Variants in PALMD observed in about 807,000 individuals in gnomAD.
PALMD encodes palmdelphin, also known as paralemmin-like protein.
A neutral mutation model predicts 56.2 loss-of-function variants in PALMD; 42 were observed. That is an observed-to-expected ratio of 0.75 (90% CI 0.58 to 0.97). The LOEUF (loss-of-function observed/expected upper bound fraction) is 0.97, where lower values mean the gene tolerates loss of function less well. Among genes scored for constraint, PALMD ranks in the 50% least tolerant of loss-of-function variants. The pLI is 0.00. For synonymous variants in PALMD, 242 were observed against 222.9 expected, an observed-to-expected ratio of 1.09 and a Z score of -0.76; for missense variants, 660 against 643.8, an observed-to-expected ratio of 1.03 and a Z score of -0.27.
rs377596628 is a variant in PALMD at position 99,686,966 on chromosome 1, A to G, written c.400+3A>G. 1.4e-4 allele frequency: 214 copies of G among 1,572,678 alleles called. No individual in the cohort carries two copies. The highest frequency in any genetic ancestry group is 1.8e-4 in the Non-Finnish European group (202 of 1,147,274). ...GGAAAGAGAAGAAAGAGCAGAAGGT[A>G]TGTTTTTGAATAACTTATTTTATGT... On this transcript the variant is annotated splice_donor_region_variant and intron_variant, in intron 5 of 7. Transcript: ENST00000263174.
intron 1 of PALMD, among the ~76,000 whole-genome samples, chr1:99,656,350 AAC>A (rs986147758): frequency 6.6e-6 from 1 of 151,298 alleles, no homozygotes; most frequent in Non-Finnish European, 1.5e-5. Flanking sequence ...CTTTCCTAAG[AAC>A]ACTGTTAGCA....
Position 99,689,335 on chromosome 1 carries a change from G to A in PALMD, c.1075G>A (p.Asp359Asn), listed in dbSNP as rs1486525894. 3 of 1,613,578 alleles carry A rather than the reference G, an allele frequency of 1.9e-6. No individual in the cohort carries two copies. The highest frequency in any genetic ancestry group is 2.2e-5 in the South Asian group (2 of 91,068). Residue 359 changes from aspartate to asparagine, a missense_variant, in exon 7 of 8, where the codon GAC becomes AAC. Coordinates refer to ENST00000263174, the MANE Select transcript of PALMD (RefSeq NM_017734.5). ...TTGGGAAGAATCGAATGTCATGCAG[G>A]ACAAAGATGCACCCTCTCCAAAGCC... ...TPWEESNVMQ[D>N]KDAPSPKPRL...
intron 3 of PALMD, chr1:99,684,284 G>T (rs189971743): frequency 1.3e-5 from 2 of 152,212 alleles, no homozygotes; most frequent in African/African-American, 4.8e-5. Context: ...GAAAAAAGAT[G>T]AATAAGAAAC....
At position 99,689,860 on chromosome 1, in the gene PALMD, C is replaced by A; in HGVS notation, c.1600C>A (p.Pro534Thr). Residue 534 changes from proline (P) to threonine (T), a missense_variant, in exon 7 of 8, where the codon CCA (proline) becomes ACA (threonine). Pro to Thr is a conservative substitution (Grantham distance 38). Coordinates refer to ENST00000263174, the MANE Select transcript of PALMD (RefSeq NM_017734.5). ...GACAACTGGAGATGGGACTGAGGATCCATCCTTAACAGGTAATAAAAATGA... is the reference window on the plus strand; with the variant it reads ...GACAACTGGAGATGGGACTGAGGATACATCCTTAACAGGTAATAAAAATGA... ...AQTTGDGTED[P>T]SLTALRMRMA... 6.2e-7 allele frequency: 1 copy of A among 1,600,108 alleles called. No individual in the cohort carries two copies.
chr1:99,693,952 A>T (rs770642135), intron 7 of PALMD, 67 bp from the exon 8 acceptor site: 17 of 1,051,316 alleles, frequency 1.6e-5, no homozygotes, highest in Non-Finnish European at 2.2e-5. Flanking sequence ...GCATTCTATG[A>T]ATGGCCATTT....
rs776862496 is a variant in PALMD, at chr1:99,689,286, C to A, written c.1026C>A (p.Thr342=). 1 of 1,613,348 alleles carries A rather than the reference C, an allele frequency of 6.2e-7. No homozygotes were observed. The highest frequency in any genetic ancestry group is 1.3e-5 in the African/African-American group (1 of 74,776). The change falls in exon 7 of 8, where the codon ACC becomes ACA. Residue 342 remains threonine (T), a synonymous_variant. Coordinates refer to ENST00000263174, the MANE Select transcript of PALMD (RefSeq NM_017734.5). ...AACAAGCAGAAGAGAAGCTTCACAC[C>A]CCGCAAAAAAGGCTAATGACTCCTT... ...VIQQAEEKLH[T]PQKRLMTPWE...
chr1:99,652,626 A>G (rs577096321), intron 1 of PALMD, among the ~76,000 whole-genome samples: 2 of 151,294 alleles, frequency 1.3e-5, no homozygotes, highest in South Asian at 4.2e-4. Context: ...AAGACAGAAA[A>G]GAGAAAAGGA....
chr1:99,689,088 G>A lies in PALMD; in HGVS notation c.828G>A (p.Thr276=), dbSNP rs776406361. 36 of 1,613,206 alleles carry A rather than the reference G, an allele frequency of 2.2e-5. No homozygotes were observed. The highest frequency in any genetic ancestry group is 1.6e-4 in the Middle Eastern group (1 of 6,080). The change falls in exon 7 of 8, where the codon ACG becomes ACA. Residue 276 remains threonine, a synonymous_variant. Coordinates refer to ENST00000263174, the MANE Select transcript of PALMD (RefSeq NM_017734.5). ...GGCCTACAACCCCACAGAGAGAAAC[G>A]GTGACCCCTGGACCAAACTTTCAAG... is the stretch of plus-strand genomic sequence containing the variant. ...FYRPTTPQRE[T]VTPGPNFQER...
intron 3 of PALMD, among the ~76,000 whole-genome samples, chr1:99,679,386 A>T (rs973398639): frequency 6.6e-6 from 1 of 152,176 alleles, no homozygotes; most frequent in African/African-American, 2.4e-5. Flanking sequence ...TTAGCTTAGG[A>T]AACCCCAGAT....
chr1:99,661,661 A>G (rs1484212700), intron 1 of PALMD, among the ~76,000 whole-genome samples: 1 of 152,164 alleles, frequency 6.6e-6, no homozygotes, highest in Non-Finnish European at 1.5e-5. Context: ...TAAAAGTACA[A>G]CCTTTTTGTA....
chr1:99,668,222 G>C lies in PALMD; in HGVS notation c.251+456G>C, dbSNP rs141632874. 3.9e-3 allele frequency: 593 copies of C among 153,556 alleles called. 4 individuals are homozygous for C. Among genetic ancestry groups the C allele is most frequent in the African/African-American group, 0.013 (547 of 41,500 alleles). The allele number at this position is 153,556 out of a possible 1,614,324, so 9.5% of individuals were successfully genotyped here. On this transcript the variant is annotated intron_variant, in intron 3 of 7. Coordinates refer to ENST00000263174, the MANE Select transcript of PALMD (RefSeq NM_017734.5). ...TTACAGGTGTCAGCCACCGCGGTCA[G>C]CCTTCCATATGAATTTCTAAAAAAG... is the stretch of plus-strand genomic sequence containing the variant.
chr1:99,653,269 C>A (rs879406054), intron 1 of PALMD, among the ~76,000 whole-genome samples: 3 of 152,144 alleles, frequency 2.0e-5, no homozygotes, highest in Non-Finnish European at 2.9e-5. Flanking sequence ...GGCCTGCTGA[C>A]AGATTTTTTT....
Position 99,689,349 on chromosome 1 carries a change from C to G in PALMD, c.1089C>G (p.Pro363=). The change falls in exon 7 of 8, where the codon CCC becomes CCG. Residue 363 remains proline, a synonymous_variant. Coordinates refer to ENST00000263174, the MANE Select transcript of PALMD (RefSeq NM_017734.5). ...ATGTCATGCAGGACAAAGATGCACC[C>G]TCTCCAAAGCCAAGGCTGAGCCCCA... ...ESNVMQDKDA[P]SPKPRLSPRE... 1.2e-6 allele frequency: 2 copies of G among 1,613,736 alleles called. No homozygotes were observed. The highest frequency in any genetic ancestry group is 1.7e-6 in the Non-Finnish European group (2 of 1,179,872).
intron 1 of PALMD, among the ~76,000 whole-genome samples, chr1:99,651,259 C>T (rs1234284757): frequency 1.3e-5 from 2 of 152,220 alleles, no homozygotes; most frequent in Non-Finnish European, 2.9e-5. Flanking sequence ...CATAACAGCC[C>T]ACCCATAAAG....
chr1:99,693,832 C>T (rs981495125), intron 7 of PALMD, among the ~76,000 whole-genome samples, 187 bp from the exon 8 acceptor site: 1 of 152,142 alleles, frequency 6.6e-6, no homozygotes, highest in African/African-American at 2.4e-5. Flanking sequence ...TCTGAACCTG[C>T]TTCTGCCCTA....
intron 6 of PALMD, 132 bp downstream of exon 6, chr1:99,687,321 ATG>A: frequency 2.1e-6 from 2 of 956,468 alleles, no homozygotes; most frequent in East Asian, 5.4e-5. Context: ...TCTGTGAGTT[ATG>A]TGAGTCACCG....
chr1:99,662,609 T>C (rs12096051), intron 2 of PALMD, among the ~76,000 whole-genome samples: 1,625 of 152,268 alleles, frequency 0.011, 30 homozygotes, highest in African/African-American at 0.037. Context: ...GTTGAACACA[T>C]GGTTTTATTA....
intron 1 of PALMD, among the ~76,000 whole-genome samples, chr1:99,652,699 A>AAAG (rs1557666517): frequency 4.7e-3 from 392 of 83,388 alleles, no homozygotes; most frequent in South Asian, 0.021. Flanking sequence ...GGAAAGGAAA[A>AAAG]GAAAAGAAAA....
At chr1:99,646,511 A>C in intron 1 of PALMD, 149 bp downstream of exon 1, 1 of 656,674 alleles carries the variant, frequency 1.5e-6, no homozygotes, top group Non-Finnish European at 2.7e-6. Context: ...CTTAACCCTC[A>C]TGACCCTCTG....
Sources: gnomAD v4.1 joint callset for allele counts (sites outside exome capture counted in the v4.1 genomes callset) on GRCh38, gnomAD v4.1.1 for gene constraint, MANE v1.5 for transcripts, NCBI Gene and HGNC (gene_info 2026-07-23, HGNC 2026-07-21) for gene names.